ESCO1: variants seen among roughly 807,000 people sequenced by gnomAD.
The protein encoded by ESCO1 is N-acetyltransferase ESCO1.
ESCO1 carries 33 observed loss-of-function variants against 83.5 expected under a neutral mutation model. The ratio of observed to expected loss-of-function variants is 0.40; its 90% CI spans 0.30 to 0.53. The LOEUF (loss-of-function observed/expected upper bound fraction) is 0.53, where lower values mean the gene tolerates loss of function less well. ESCO1 is among the 20% of genes least tolerant of loss of function. ESCO1 has a pLI of 0.63. For missense variants in ESCO1, 855 were observed against 968.0 expected (o/e 0.88, Z 1.55); for synonymous variants, 332 against 324.3 (o/e 1.02, Z -0.25).
chr18:21,575,841 G>A (rs917406322), intron 2 of ESCO1, 64 bp from the exon 3 acceptor site: 8 of 395,348 alleles, frequency 2.0e-5, no homozygotes, highest in Admixed American at 4.4e-5. Flanking sequence ...TCATCCATTC[G>A]GCTCTCATCA....
intron 8 of ESCO1, among the ~76,000 whole-genome samples, chr18:21,541,393 G>A (rs958002933): frequency 1.3e-5 from 2 of 152,056 alleles, no homozygotes; most frequent in African/African-American, 4.8e-5. Flanking sequence ...AGGAGATTGA[G>A]ACCATCCTGG....
Position 21,599,718 on chromosome 18 carries a change from C to T in ESCO1, c.-825+905G>A, listed in dbSNP as rs550103261. Among the ~76,000 whole-genome samples, 46 of 152,276 alleles carry T rather than the reference C, an allele frequency of 3.0e-4. No individual in the cohort carries two copies. In the South Asian group the frequency reaches 9.5e-3, roughly 32 times the overall value. Reference sequence around the variant, plus strand: ...TGAGCTCCTTCCTCCTCCTCTTCCTCCCTCCCCTGGTCCCCGCTGCGTCCC... The same window carrying T: ...TGAGCTCCTTCCTCCTCCTCTTCCTTCCTCCCCTGGTCCCCGCTGCGTCCC... On this transcript the variant is annotated intron_variant, in intron 1 of 11. Transcript: ENST00000269214.
chr18:21,574,375 T>C lies in ESCO1; in HGVS notation c.469A>G (p.Lys157Glu), dbSNP rs978515141. 7 of 1,613,986 alleles carry C rather than the reference T, an allele frequency of 4.3e-6. No individual in the cohort carries two copies. The African/African-American group carries it at 9.3e-5, about 22-fold the overall frequency. The part of the protein sequence containing the change: ...AVKQSLPPTK[K>E]EQCSSTQSKS... ...CTCTGAGTACTGCTACACTGCTCTT[T>C]TTTAGTTGGTGGCAAACTCTGTTTA... Residue 157 changes from lysine (K) to glutamate (E), a missense_variant, in exon 4 of 12, where the codon AAA becomes GAA. Physicochemically the swap from Lys to Glu is moderately conservative, Grantham distance 56. Coordinates refer to ENST00000269214, the MANE Select transcript of ESCO1 (RefSeq NM_052911.3).
chr18:21,532,743 C>T (rs2037783595), intron 10 of ESCO1, 83 bp from the exon 11 acceptor site: 1 of 1,340,964 alleles, frequency 7.5e-7, no homozygotes, highest in Non-Finnish European at 1.0e-6. Flanking sequence ...GCGGTTATGA[C>T]ATTTGACTGG....
chr18:21,544,724 A>T (rs1178227676), intron 8 of ESCO1, among the ~76,000 whole-genome samples: 1 of 152,172 alleles, frequency 6.6e-6, no homozygotes, highest in Non-Finnish European at 1.5e-5. Flanking sequence ...AAGTTAGATG[A>T]TTATCCATGA....
chr18:21,546,377 C>T (rs569073527), intron 8 of ESCO1, among the ~76,000 whole-genome samples: 1 of 148,344 alleles, frequency 6.7e-6, no homozygotes, highest in South Asian at 2.2e-4. Flanking sequence ...CATGGTGAAA[C>T]CCTGCCTCCA....
chr18:21,560,743 T>A, intron 8 of ESCO1, 116 bp downstream of exon 8: 1 of 1,283,588 alleles, frequency 7.8e-7, no homozygotes, highest in South Asian at 1.5e-5. Flanking sequence ...TTTGTACATA[T>A]TATTATCTCT....
chr18:21,573,895 C>G lies in ESCO1; in HGVS notation c.949G>C (p.Asp317His). The change falls in exon 4 of 12, where the codon GAT (aspartate) becomes CAT (histidine). Residue 317 changes from aspartate (D) to histidine (H), a missense_variant. Asp to His is a moderately conservative substitution (Grantham distance 81, BLOSUM62 -1). Coordinates refer to ENST00000269214, the MANE Select transcript of ESCO1 (RefSeq NM_052911.3). Reference protein sequence around the residue: ...CEEIAGEIESDNVEVKKESSQ... With the variant: ...CEEIAGEIESHNVEVKKESSQ... ...GATTCCTTTTTTACCTCTACATTAT[C>G]TGACTCAATTTCACCAGCAATTTCT... 1 of 1,614,070 alleles carries G rather than the reference C, an allele frequency of 6.2e-7. No homozygotes were observed. Among genetic ancestry groups the G allele is most frequent in the Non-Finnish European group, 8.5e-7 (1 of 1,180,028 alleles).
intron 5 of ESCO1, among the ~76,000 whole-genome samples, chr18:21,567,008 AATG>A (rs1294681324): frequency 6.6e-6 from 1 of 152,204 alleles, no homozygotes; most frequent in Non-Finnish European, 1.5e-5. Context: ...AAATCATGTC[AATG>A]ATTATCCGAA....
chr18:21,580,827 C>T (rs1481606906), intron 2 of ESCO1, among the ~76,000 whole-genome samples: 3 of 151,998 alleles, frequency 2.0e-5, no homozygotes, highest in Admixed American at 6.5e-5. Flanking sequence ...CCCGTCTCTA[C>T]TAAAAATACA....
At chr18:21,552,437 C>T (rs1316216959) in intron 8 of ESCO1, among the ~76,000 whole-genome samples, 2 of 152,120 alleles carry the variant, frequency 1.3e-5, no homozygotes, top group South Asian at 2.1e-4. Flanking sequence ...AGGGGGTTTT[C>T]CCCGTTTGCT....
At position 21,529,912 on chromosome 18, in the gene ESCO1, CTG is replaced by C. The variant is rs1214834301; in HGVS notation, c.*429_*430del. On this transcript the variant is annotated 3_prime_UTR_variant, in exon 12 of 12. Transcript: ENST00000269214. The stretch of plus-strand genomic sequence containing the variant: ...ATAACTAAAAAAATTGGTTTCCACT[CTG>C]TGAAAATACAATCTTTAAGCCTATC... 1 of 153,264 alleles carries C rather than the reference CTG, an allele frequency of 6.5e-6. No individual in the cohort carries two copies. Among genetic ancestry groups the C allele is most frequent in the African/African-American group, 2.4e-5 (1 of 41,466 alleles). 9.5% of individuals were successfully genotyped at this position (153,264 alleles called of 1,614,324 possible).
At chr18:21,581,589 C>T (rs558841401) in intron 2 of ESCO1, among the ~76,000 whole-genome samples, 30 of 151,418 alleles carry the variant, frequency 2.0e-4, no homozygotes, top group Non-Finnish European at 1.3e-4. Context: ...CCAGCCTGGA[C>T]GACAGAGCAA....
intron 2 of ESCO1, among the ~76,000 whole-genome samples, chr18:21,580,218 C>G (rs1165496416): frequency 6.6e-6 from 1 of 151,746 alleles, no homozygotes; most frequent in African/African-American, 2.4e-5. Context: ...TTTTTTTCAG[C>G]CTTTCTATGT....
chr18:21,572,109 C>T (rs1019460728), intron 4 of ESCO1, among the ~76,000 whole-genome samples: 3 of 152,066 alleles, frequency 2.0e-5, no homozygotes, highest in Admixed American at 1.3e-4. Flanking sequence ...ACTTTTTTTG[C>T]TCAAATGATT....
intron 1 of ESCO1, among the ~76,000 whole-genome samples, chr18:21,592,593 G>C (rs978993337): frequency 1.3e-5 from 2 of 150,196 alleles, no homozygotes; most frequent in Non-Finnish European, 3.0e-5. Flanking sequence ...GCGGCTGGTG[G>C]GGCGGGAGGC....
chr18:21,572,262 C>A (rs565233603), intron 4 of ESCO1, among the ~76,000 whole-genome samples: 1 of 152,244 alleles, frequency 6.6e-6, no homozygotes, highest in South Asian at 2.1e-4. Flanking sequence ...TTAAACAGTA[C>A]AAATAAATCA....
At chr18:21,579,310 A>T (rs554027500) in intron 2 of ESCO1, among the ~76,000 whole-genome samples, 1 of 152,010 alleles carries the variant, frequency 6.6e-6, no homozygotes, top group South Asian at 2.1e-4. Flanking sequence ...ATTTTCTAAT[A>T]AGCTGAGCAT....
chr18:21,544,246 C>A (rs2037942432), intron 8 of ESCO1, among the ~76,000 whole-genome samples: 1 of 151,566 alleles, frequency 6.6e-6, no homozygotes, highest in South Asian at 2.1e-4. Flanking sequence ...TGCACTCCAG[C>A]CTGGGCGACA....
Sources: allele counts gnomAD v4.1 joint callset (sites outside exome capture counted in the v4.1 genomes callset), GRCh38; gene constraint gnomAD v4.1.1; transcripts MANE v1.5; gene names NCBI Gene and HGNC (gene_info 2026-07-23, HGNC 2026-07-21).